Variants in SH3PXD2B observed in about 807,000 individuals in gnomAD.
The protein encoded by SH3PXD2B is SH3 and PX domain-containing protein 2B.
In SH3PXD2B, 37 loss-of-function variants were observed where a neutral mutation model predicts 73.1. The ratio of observed to expected loss-of-function variants is 0.51; its 90% CI spans 0.39 to 0.67. SH3PXD2B has a LOEUF of 0.67. Ranked by LOEUF, SH3PXD2B falls within the 30% of genes least tolerant of loss-of-function variation. SH3PXD2B has a pLI of 0.00. For synonymous variants in SH3PXD2B, 457 were observed against 480.5 expected (o/e 0.95, Z 0.64); for missense variants, 1,053 against 1,197.8 (o/e 0.88, Z 1.78).
Position 172,445,660 on chromosome 5 carries a change from C to T in SH3PXD2B, c.75+8618G>A, listed in dbSNP as rs1222631051. 6.6e-6 allele frequency among the ~76,000 whole-genome samples: 1 copy of T among 152,222 alleles called. No homozygotes were observed. Reference sequence around the variant, plus strand: ...TCTCATAAATATGTCCCAAATATTGCATGTTTATTTGAAACCGAAATTGAA... The same window carrying T: ...TCTCATAAATATGTCCCAAATATTGTATGTTTATTTGAAACCGAAATTGAA... On this transcript the variant is annotated intron_variant, in intron 1 of 12. Transcript: ENST00000311601. This position sits in a 1 kb window ranked among gnomAD's most constrained non-coding sequence, Gnocchi z 5.2.
chr5:172,416,696 CTTTTTTTT>C (rs202242720), intron 2 of SH3PXD2B, among the ~76,000 whole-genome samples: 46 of 62,260 alleles, frequency 7.4e-4, no homozygotes, highest in Non-Finnish European at 1.0e-3. Flanking sequence ...CTCTCTCTCT[CTTTTTTTT>C]TTTTTTTTTT....
chr5:172,403,348 C>A (rs79492396), intron 3 of SH3PXD2B, among the ~76,000 whole-genome samples: 1 of 152,202 alleles, frequency 6.6e-6, no homozygotes, highest in Non-Finnish European at 1.5e-5. Flanking sequence ...TCTGCTGACG[C>A]GGCAGTCTTG....
chr5:172,452,486 G>A (rs182432756), intron 1 of SH3PXD2B, among the ~76,000 whole-genome samples: 13 of 152,264 alleles, frequency 8.5e-5, no homozygotes, highest in Middle Eastern at 3.4e-3. Flanking sequence ...GGGGTCCAGC[G>A]GGCCTGGATC....
At chr5:172,416,362 C>T (rs1415612637) in intron 2 of SH3PXD2B, among the ~76,000 whole-genome samples, 9 of 149,762 alleles carry the variant, frequency 6.0e-5, no homozygotes, top group African/African-American at 2.2e-4. Context: ...GAGTTTCGCT[C>T]TTGTTGCCTA....
intron 1 of SH3PXD2B, among the ~76,000 whole-genome samples, chr5:172,443,790 A>G (rs1367072389): frequency 6.6e-6 from 1 of 152,266 alleles, no homozygotes; most frequent in Non-Finnish European, 1.5e-5. Flanking sequence ...GCGGGGGGCC[A>G]TGCAATTCTG....
chr5:172,452,780 CACTT>C (rs1003835739), intron 1 of SH3PXD2B, among the ~76,000 whole-genome samples: 2 of 152,036 alleles, frequency 1.3e-5, no homozygotes, highest in South Asian at 2.1e-4. Context: ...GAGGCAAACT[CACTT>C]ACACGCTAAC....
intron 6 of SH3PXD2B, among the ~76,000 whole-genome samples, chr5:172,372,760 T>C (rs1160174134): frequency 2.6e-5 from 4 of 152,176 alleles, no homozygotes; most frequent in Admixed American, 2.0e-4. Context: ...AGAGGGGGTA[T>C]CCTTTTTCAC....
At chr5:172,382,710 A>G (rs1246666737) in intron 4 of SH3PXD2B, among the ~76,000 whole-genome samples, 1 of 152,018 alleles carries the variant, frequency 6.6e-6, no homozygotes, top group Non-Finnish European at 1.5e-5. Flanking sequence ...TAAATTGTCA[A>G]CTTCATGCCA....
rs1282791437 is a variant in SH3PXD2B at position 172,445,353 on chromosome 5, C to T, written c.75+8925G>A. Among the ~76,000 whole-genome samples, 2 of 152,176 alleles carry T rather than the reference C, an allele frequency of 1.3e-5. No homozygotes were observed. The highest frequency in any genetic ancestry group is 2.1e-4 in the South Asian group (1 of 4,824). ...CCTCTCAAGTAGCTGGGATTGCAGG[C>T]GAGAATCATCACACCCAGCTAATTT... On this transcript the variant is annotated intron_variant, in intron 1 of 12. Transcript: ENST00000311601. The surrounding 1 kb of genome is among the most constrained non-coding windows in gnomAD (Gnocchi z 5.2).
At chr5:172,327,974 C>T (rs905580796) in intron 12 of SH3PXD2B, among the ~76,000 whole-genome samples, 1 of 151,948 alleles carries the variant, frequency 6.6e-6, no homozygotes, top group African/African-American at 2.4e-5. Flanking sequence ...AGGCTGGTCT[C>T]GAACTCCTGA....
rs1483599973 is a variant in SH3PXD2B, at chr5:172,335,001, C to T, written c.*3368G>A. 5.1e-6 allele frequency: 5 copies of T among 985,430 alleles called. No individual in the cohort carries two copies. The African/African-American group carries it at 7.0e-5, about 14-fold the overall frequency. The allele number at this position is 985,430 out of a possible 1,614,324, so 61.0% of individuals were successfully genotyped here. A position where few individuals can be genotyped will look rare whatever the true frequency, so the allele number is the denominator to read the frequency against. ...CCAGCGATCCCCCAGTAGGGAAGGGCCATTAAAAGCGGTTTAAGCTGGAGC... is the reference window on the plus strand; with the variant it reads ...CCAGCGATCCCCCAGTAGGGAAGGGTCATTAAAAGCGGTTTAAGCTGGAGC... On this transcript the variant is annotated 3_prime_UTR_variant, in exon 13 of 13. Transcript: ENST00000311601.
chr5:172,405,537 T>C (rs962992415), intron 3 of SH3PXD2B, among the ~76,000 whole-genome samples: 1 of 152,126 alleles, frequency 6.6e-6, no homozygotes, highest in Non-Finnish European at 1.5e-5. Flanking sequence ...GATGAGAGGG[T>C]GGCAGCCAGC....
intron 1 of SH3PXD2B, among the ~76,000 whole-genome samples, chr5:172,432,924 AAGGG>A (rs1459836005): frequency 0.055 from 1,029 of 18,608 alleles, 22 homozygotes; most frequent in African/African-American, 0.13. Context: ...TCAAAAAAAA[AAGGG>A]GGGGGGGGGG....
At chr5:172,432,081 G>A (rs1438165446) in intron 1 of SH3PXD2B, among the ~76,000 whole-genome samples, 1 of 152,196 alleles carries the variant, frequency 6.6e-6, no homozygotes, top group Non-Finnish European at 1.5e-5. Flanking sequence ...GCTGAGGCAG[G>A]AGAATCGCTT....
At chr5:172,348,691 CTATCTATCTATCTATCTATT>C (rs1249080827) in intron 10 of SH3PXD2B, among the ~76,000 whole-genome samples, 874 of 40,398 alleles carry the variant, frequency 0.022, 8 homozygotes, top group East Asian at 0.079. Flanking sequence ...ATCTATCTAT[CTATCTATCTATCTATCTATT>C]TATTTATTTT....
chr5:172,407,990 A>T (rs966907257), intron 2 of SH3PXD2B, among the ~76,000 whole-genome samples: 10 of 152,232 alleles, frequency 6.6e-5, no homozygotes, highest in Non-Finnish European at 1.3e-4. Flanking sequence ...ACAATTAAAA[A>T]GGCCAGGGCT....
Position 172,335,809 on chromosome 5 carries a change from T to A in SH3PXD2B, c.*2560A>T. The A allele has an allele frequency of 8.1e-7, 1 of 1,229,732 alleles. No individual in the cohort carries two copies. Among genetic ancestry groups the A allele is most frequent in the Non-Finnish European group, 1.0e-6 (1 of 987,390 alleles). 76.2% of individuals were successfully genotyped at this position (1,229,732 alleles called of 1,614,324 possible). On this transcript the variant is annotated 3_prime_UTR_variant, in exon 13 of 13. Coordinates refer to ENST00000311601, the MANE Select transcript of SH3PXD2B (RefSeq NM_001017995.3). ...CTGCCTGGGGAAGTGTCTACCATTG[T>A]AGGAAAAGGAGCTGGATACAGACGT...
At chr5:172,451,711 G>C (rs1561588904) in intron 1 of SH3PXD2B, among the ~76,000 whole-genome samples, 1 of 152,214 alleles carries the variant, frequency 6.6e-6, no homozygotes, top group Non-Finnish European at 1.5e-5. Context: ...TACCAAATGG[G>C]AGTCAAAGTC....
chr5:172,389,904 A>G (rs1758141823), intron 4 of SH3PXD2B, among the ~76,000 whole-genome samples: 1 of 151,696 alleles, frequency 6.6e-6, no homozygotes. Flanking sequence ...TTTTGTAGAG[A>G]TGGGGGTCTC....
Sources: allele counts gnomAD v4.1 joint callset (sites outside exome capture counted in the v4.1 genomes callset), GRCh38; gene constraint gnomAD v4.1.1; non-coding constraint Gnocchi (gnomAD v3.1); transcripts MANE v1.5; gene names NCBI Gene and HGNC (gene_info 2026-07-23, HGNC 2026-07-21).